The following ING5 variants were observed in gnomAD, a reference collection of about 807,000 sequenced individuals.
ING5 encodes the protein inhibitor of growth family member 5.
Under a neutral mutation model 37.4 loss-of-function variants are expected in ING5, and 17 were observed. That is an observed-to-expected ratio of 0.45 (90% CI 0.31 to 0.68). ING5 has a LOEUF of 0.68. Among genes scored for constraint, ING5 ranks in the 30% least tolerant of loss-of-function variants. The pLI, the probability that ING5 is intolerant of heterozygous loss-of-function variation, is 0.05. For synonymous variants in ING5, 123 were observed against 116.6 expected (o/e 1.06, Z -0.36); for missense variants, 233 against 311.9 (o/e 0.75, Z 1.91).
chr2:241,707,159 A>G (rs950614723), intron 2 of ING5, among the ~76,000 whole-genome samples: 2 of 151,330 alleles, frequency 1.3e-5, no homozygotes, highest in Non-Finnish European at 2.9e-5. Flanking sequence ...GGGTTTCTCC[A>G]TGTTGATCAG....
At chr2:241,694,688 C>T (rs2069605626) in intron 2 of ING5, among the ~76,000 whole-genome samples, 1 of 149,966 alleles carries the variant, frequency 6.7e-6, no homozygotes, top group African/African-American at 2.5e-5. Context: ...TATAACCTTC[C>T]CTTTGGGCAA....
rs965764097 is a variant in ING5, at chr2:241,709,259, C to T, written c.153C>T (p.Ser51=). The T allele has an allele frequency of 1.2e-6, 2 of 1,613,992 alleles. No individual in the cohort carries two copies. The highest frequency in any genetic ancestry group is 1.7e-5 in the Admixed American group (1 of 59,958). ...ACATCCTGGCTGCAGAGTACATCTC[C>T]ACGGTGAAGACGCTGTCTCCAGACC... ...EIDILAAEYI[S]TVKTLSPDQR... is the part of the protein sequence containing the mutation. The change falls in exon 3 of 8, where the codon TCC becomes TCT. Residue 51 remains serine (S), a synonymous_variant. Coordinates refer to ENST00000313552, the MANE Select transcript of ING5 (RefSeq NM_032329.6).
chr2:241,702,024 A>C, upstream of ING5: 1 of 1,334,746 alleles, frequency 7.5e-7, no homozygotes, highest in Non-Finnish European at 9.6e-7. Context: ...CTCCCGCGGC[A>C]CCGCCCGCCC....
intron 5 of ING5, chr2:241,720,322 C>T: frequency 8.2e-7 from 1 of 1,220,510 alleles, no homozygotes; most frequent in Non-Finnish European, 1.0e-6. Flanking sequence ...GCCGCTCTGC[C>T]TCAAGGCAGG....
intron 7 of ING5, chr2:241,723,736 A>G (rs1691491638): frequency 6.3e-7 from 1 of 1,596,560 alleles, no homozygotes. Context: ...TGTTTTCTCT[A>G]CCTGACCCTT....
At chr2:241,719,297 G>T (rs1056223019) in intron 5 of ING5, among the ~76,000 whole-genome samples, 12 of 152,232 alleles carry the variant, frequency 7.9e-5, no homozygotes, top group African/African-American at 2.9e-4. Context: ...GGCTGTGTGG[G>T]CTCAGCGTGG....
At position 241,729,009 on chromosome 2, in the gene ING5, T is replaced by G. The variant is rs1378441713; in HGVS notation, c.*3978T>G. ...GCAATGACGCTGGCCCAGAGCAGCT[T>G]CCCACATGACCCCAGAGCCGAGGGT... is the stretch of plus-strand genomic sequence containing the variant. On this transcript the variant is annotated 3_prime_UTR_variant, in exon 8 of 8. Coordinates refer to ENST00000313552, the MANE Select transcript of ING5 (RefSeq NM_032329.6). The G allele has an allele frequency of 2.0e-5, 3 of 152,266 alleles. No homozygotes were observed. The highest frequency in any genetic ancestry group is 7.2e-5 in the African/African-American group (3 of 41,470). 9.4% of individuals were successfully genotyped at this position (152,266 alleles called of 1,614,324 possible).
At chr2:241,719,558 G>A (rs2070373551) in intron 5 of ING5, 1 of 1,536,132 alleles carries the variant, frequency 6.5e-7, no homozygotes, top group Non-Finnish European at 8.7e-7. Flanking sequence ...TGCCTTTTCT[G>A]CGTGAAAGTG....
intron 1 of ING5, among the ~76,000 whole-genome samples, chr2:241,702,972 C>T (rs2069791033): frequency 6.6e-6 from 1 of 152,194 alleles, no homozygotes. Context: ...TGGCACCCGC[C>T]CAGGGGCTGA....
chr2:241,709,555 G>GCT (rs1553584426), intron 3 of ING5, among the ~76,000 whole-genome samples, 173 bp downstream of exon 3: 9 of 130,116 alleles, frequency 6.9e-5, no homozygotes, highest in Non-Finnish European at 1.4e-4. Context: ...GACCATCCCT[G>GCT]TTTTTTTTTT....
intron 2 of ING5, among the ~76,000 whole-genome samples, chr2:241,693,056 C>G (rs373559452): frequency 3.3e-5 from 5 of 151,904 alleles, no homozygotes; most frequent in Non-Finnish European, 7.4e-5. Context: ...ATCAGGAGCT[C>G]GAGACCAGCC....
upstream of ING5, among the ~76,000 whole-genome samples, chr2:241,699,947 A>G (rs2124864726): frequency 6.6e-6 from 1 of 152,154 alleles, no homozygotes; most frequent in Admixed American, 6.6e-5. Flanking sequence ...GGCAGAGAAG[A>G]ATCACCCCAA....
intron 2 of ING5, among the ~76,000 whole-genome samples, chr2:241,696,033 G>C (rs971050309): frequency 1.3e-5 from 2 of 152,148 alleles, no homozygotes; most frequent in African/African-American, 4.8e-5. Flanking sequence ...AGGAGGTCAA[G>C]CTGCAGTGAA....
intron 5 of ING5, among the ~76,000 whole-genome samples, chr2:241,715,576 A>G (rs191901137): frequency 0.011 from 1,494 of 135,746 alleles, 27 homozygotes; most frequent in African/African-American, 0.041. Flanking sequence ...TCCACCTCCC[A>G]GGTTCAAGCA....
chr2:241,724,793 C>A, intron 7 of ING5, 196 bp from the exon 8 acceptor site: 1 of 593,438 alleles, frequency 1.7e-6, no homozygotes, highest in Non-Finnish European at 3.0e-6. Flanking sequence ...GCTTCAGAAC[C>A]GGCGTCCTGC....
Position 241,702,057 on chromosome 2 carries a change from C to T in ING5, c.-9C>T. The T allele has an allele frequency of 7.2e-7, 1 of 1,388,224 alleles. No homozygotes were observed. Among genetic ancestry groups the T allele is most frequent in the Admixed American group, 3.0e-5 (1 of 33,856 alleles). 86.0% of individuals were successfully genotyped at this position (1,388,224 alleles called of 1,614,324 possible). On this transcript the variant is annotated 5_prime_UTR_variant, in exon 1 of 8. Transcript: ENST00000313552. ...CCCGCGCAGACCCCGAGCGCGGCCG[C>T]GGACGAAGATGGCGACCGCCATGTA...
In ING5 at chr2:241,718,266, G is replaced by A. The variant is rs1453809565; in HGVS notation, c.483-4673G>A. ...GGCCTCAAGTGATCCGCCCAGCTCA[G>A]CCTCTCACCTTCCCTTTCCTTCTTT... is the stretch of plus-strand genomic sequence containing the variant. On this transcript the variant is annotated intron_variant, in intron 5 of 7. Transcript: ENST00000313552. Among the ~76,000 whole-genome samples, 3 of 151,498 alleles carry A rather than the reference G, an allele frequency of 2.0e-5. No individual in the cohort carries two copies. The East Asian group carries it at 5.9e-4, about 30-fold the overall frequency.
At chr2:241,707,189 C>T (rs780024196) in intron 2 of ING5, among the ~76,000 whole-genome samples, 38 of 151,966 alleles carry the variant, frequency 2.5e-4, no homozygotes, top group Non-Finnish European at 4.9e-4. Flanking sequence ...AAACTCTCAA[C>T]CTCAGGTGAT....
At chr2:241,698,496 A>AGTGTGT (rs199798593), upstream of ING5, among the ~76,000 whole-genome samples, 488 of 147,520 alleles carry the variant, frequency 3.3e-3, 2 homozygotes, top group South Asian at 0.021. Context: ...ATAATAGAGG[A>AGTGTGT]GTGTGTGTGT....
Sources: gnomAD v4.1 joint callset for allele counts (sites outside exome capture counted in the v4.1 genomes callset) on GRCh38, gnomAD v4.1.1 for gene constraint, MANE v1.5 for transcripts, NCBI Gene and HGNC (gene_info 2026-07-23, HGNC 2026-07-21) for gene names.